Variants in ERBB4 observed in about 807,000 individuals in gnomAD.
ERBB4 encodes the protein erb-b2 receptor tyrosine kinase 4.
ERBB4 carries 42 observed loss-of-function variants against 158.0 expected under a neutral mutation model. The observed-to-expected ratio is 0.27, with a 90% CI of 0.21 to 0.34. The LOEUF (loss-of-function observed/expected upper bound fraction) is 0.34, where lower values mean the gene tolerates loss of function less well. Ranked by LOEUF, ERBB4 falls within the 10% of genes least tolerant of loss-of-function variation. The pLI is 1.00. For synonymous variants in ERBB4, 583 were observed against 558.7 expected, an observed-to-expected ratio of 1.04 and a Z score of -0.61; for missense variants, 1,333 against 1,624.1, an observed-to-expected ratio of 0.82 and a Z score of 3.08.
intron 20 of ERBB4, among the ~76,000 whole-genome samples, chr2:211,441,284 A>G (rs910467779): frequency 1.3e-5 from 2 of 152,150 alleles, no homozygotes; most frequent in African/African-American, 4.8e-5. Flanking sequence ...ATATTACCAT[A>G]GAAGTACCAG....
chr2:212,091,335 G>A (rs2078768600), intron 2 of ERBB4, among the ~76,000 whole-genome samples: 1 of 152,000 alleles, frequency 6.6e-6, no homozygotes, highest in Admixed American at 6.6e-5. Flanking sequence ...CTAAGCTTAA[G>A]TTCGATTTTG....
rs937506120 is a variant in ERBB4 at position 211,993,196 on chromosome 2, A to G, written c.235-45580T>C. Reference sequence around the variant, plus strand: ...ACGGAGATAGGATCTTTAAGGAGGTAATTACGGTTAAATGAAATCCTAGGG... The same window carrying G: ...ACGGAGATAGGATCTTTAAGGAGGTGATTACGGTTAAATGAAATCCTAGGG... On this transcript the variant is annotated intron_variant, in intron 2 of 27. Coordinates refer to ENST00000342788, the MANE Select transcript of ERBB4 (RefSeq NM_005235.3). Among the ~76,000 whole-genome samples, 4 of 152,308 alleles carry G rather than the reference A, an allele frequency of 2.6e-5. No individual in the cohort carries two copies. The South Asian group carries it at 8.3e-4, about 32-fold the overall frequency.
chr2:211,950,967 C>T (rs949827034), intron 2 of ERBB4, among the ~76,000 whole-genome samples: 2 of 152,140 alleles, frequency 1.3e-5, no homozygotes, highest in Non-Finnish European at 2.9e-5. Flanking sequence ...ATTATACATA[C>T]ATTCTGACAT....
chr2:211,394,471 C>G (rs2062868980), intron 25 of ERBB4, among the ~76,000 whole-genome samples: 1 of 152,288 alleles, frequency 6.6e-6, no homozygotes, highest in East Asian at 1.9e-4. Flanking sequence ...GATCACTTAG[C>G]TACTAGCTAA....
chr2:211,578,259 C>T (rs561129169), intron 19 of ERBB4, among the ~76,000 whole-genome samples: 1 of 152,164 alleles, frequency 6.6e-6, no homozygotes, highest in South Asian at 2.1e-4. Flanking sequence ...AAGTGAAGGA[C>T]CTCTTCGAGG....
intron 19 of ERBB4, among the ~76,000 whole-genome samples, chr2:211,601,462 C>A (rs2068797451): frequency 6.6e-6 from 1 of 151,586 alleles, no homozygotes; most frequent in South Asian, 2.1e-4. Flanking sequence ...AGATTCAAAG[C>A]ATCCCTCAAG....
At chr2:211,801,145 C>A (rs901615738) in intron 3 of ERBB4, among the ~76,000 whole-genome samples, 1 of 151,824 alleles carries the variant, frequency 6.6e-6, no homozygotes, top group Non-Finnish European at 1.5e-5. Flanking sequence ...AGCAAAAGTG[C>A]AAAATATTTA....
At chr2:212,086,981 A>G (rs1342241695) in intron 2 of ERBB4, among the ~76,000 whole-genome samples, 1 of 151,874 alleles carries the variant, frequency 6.6e-6, no homozygotes, top group Non-Finnish European at 1.5e-5. Context: ...ATTACCTCCT[A>G]CCCCTAACAT....
intron 20 of ERBB4, among the ~76,000 whole-genome samples, chr2:211,469,349 G>A (rs1231905116): frequency 6.6e-6 from 1 of 152,178 alleles, no homozygotes; most frequent in African/African-American, 2.4e-5. Context: ...TATTTGGGAT[G>A]CAGTGGTAAA....
At chr2:211,615,874 G>A (rs1361093415) in intron 19 of ERBB4, among the ~76,000 whole-genome samples, 1 of 152,020 alleles carries the variant, frequency 6.6e-6, no homozygotes, top group East Asian at 1.9e-4. Context: ...AAGTTAGAGT[G>A]GAGAAAAGGG....
Position 212,070,097 on chromosome 2 carries a change from C to A in ERBB4, c.234+54655G>T, listed in dbSNP as rs988850128. 7.2e-5 allele frequency among the ~76,000 whole-genome samples: 11 copies of A among 151,988 alleles called. 1 individual carries two copies. Among genetic ancestry groups the A allele is most frequent in the Non-Finnish European group, 1.5e-4 (10 of 67,936 alleles). ...ACTGTACCACTGTACTCTAGCCTGG[C>A]TGACAGAGTAAGACCTTGTCTCTTA... On this transcript the variant is annotated intron_variant, in intron 2 of 27. Coordinates refer to ENST00000342788, the MANE Select transcript of ERBB4 (RefSeq NM_005235.3).
At chr2:212,365,224 A>C (rs2089842027) in intron 1 of ERBB4, among the ~76,000 whole-genome samples, 1 of 151,788 alleles carries the variant, frequency 6.6e-6, no homozygotes, top group Admixed American at 6.6e-5. Flanking sequence ...TATAATCTAT[A>C]TAAGAATAAA....
In ERBB4 at chr2:211,422,029, G is replaced by C. The variant is rs1355231675; in HGVS notation, c.2942C>G (p.Pro981Arg). 6.2e-7 allele frequency: 1 copy of C among 1,610,442 alleles called. No homozygotes were observed. The highest frequency in any genetic ancestry group is 8.5e-7 in the Non-Finnish European group (1 of 1,176,956). The change falls in exon 24 of 28, where the codon CCT becomes CGT. Residue 981 changes from proline to arginine, a missense_variant. By Grantham distance (103) the Pro-to-Arg change is moderately radical. Coordinates refer to ENST00000342788, the MANE Select transcript of ERBB4 (RefSeq NM_005235.3). ...CACCTGAATAACTAGGTATCTTTGA[G>C]GGTCTCGAGCCATCCTTGAAAACTC... ...AAEFSRMARD[P>R]QRYLVIQGDD...
At chr2:212,187,454 T>TAA (rs2082049027) in intron 1 of ERBB4, among the ~76,000 whole-genome samples, 1 of 115,736 alleles carries the variant, frequency 8.6e-6, no homozygotes, top group Non-Finnish European at 2.0e-5. Context: ...TAAATAAAGA[T>TAA]GTTAATCTTC....
intron 17 of ERBB4, among the ~76,000 whole-genome samples, chr2:211,625,940 T>C (rs1438727416): frequency 6.6e-6 from 1 of 152,204 alleles, no homozygotes; most frequent in Non-Finnish European, 1.5e-5. Flanking sequence ...TCTTTAATTT[T>C]CTTGGGTATC....
chr2:212,189,845 C>A (rs2082133564), intron 1 of ERBB4, among the ~76,000 whole-genome samples: 1 of 152,100 alleles, frequency 6.6e-6, no homozygotes, highest in South Asian at 2.1e-4. Flanking sequence ...ATTTTAAATT[C>A]TGACTTCAAG....
intron 3 of ERBB4, 127 bp downstream of exon 3, chr2:211,947,303 A>G: frequency 1.3e-6 from 1 of 796,260 alleles, no homozygotes; most frequent in Non-Finnish European, 2.1e-6. Flanking sequence ...TATAAAACAA[A>G]TAAATCACTG....
intron 1 of ERBB4, among the ~76,000 whole-genome samples, chr2:212,383,693 A>G (rs899115060): frequency 6.6e-6 from 1 of 151,632 alleles, no homozygotes; most frequent in African/African-American, 2.4e-5. Flanking sequence ...TGAGAACAAA[A>G]CTGAAGAAAG....
intron 15 of ERBB4, among the ~76,000 whole-genome samples, chr2:211,664,815 A>T (rs927921164): frequency 4.6e-5 from 7 of 152,138 alleles, no homozygotes; most frequent in Non-Finnish European, 8.8e-5. Context: ...TTAAATATAC[A>T]TATCACTAGG....
Sources: allele counts gnomAD v4.1 joint callset (sites outside exome capture counted in the v4.1 genomes callset), GRCh38; gene constraint gnomAD v4.1.1; transcripts MANE v1.5; gene names NCBI Gene and HGNC (gene_info 2026-07-23, HGNC 2026-07-21).